The following LRRC8A variants were observed in gnomAD, a reference collection of about 807,000 sequenced individuals.
LRRC8A encodes leucine rich repeat containing 8 VRAC subunit A, also known as volume-regulated anion channel subunit LRRC8A.
Under a neutral mutation model 52.5 loss-of-function variants are expected in LRRC8A, and 24 were observed. The observed-to-expected ratio is 0.46, with a 90% CI of 0.33 to 0.64. The LOEUF (loss-of-function observed/expected upper bound fraction) is 0.64. Among genes scored for constraint, LRRC8A ranks in the 30% least tolerant of loss-of-function variants. LRRC8A has a pLI of 0.02. For synonymous variants in LRRC8A, 492 were observed against 494.2 expected (o/e 1.00, Z 0.06); for missense variants, 677 against 1,094.7 (o/e 0.62, Z 5.38).
chr9:128,896,344 AT>A (rs1460085219), intron 2 of LRRC8A, among the ~76,000 whole-genome samples: 1 of 152,148 alleles, frequency 6.6e-6, no homozygotes, highest in African/African-American at 2.4e-5. Context: ...GTCATTTCTG[AT>A]TTTTTGCTAT....
intron 2 of LRRC8A, among the ~76,000 whole-genome samples, chr9:128,897,945 A>G (rs1193759544): frequency 1.3e-5 from 2 of 148,224 alleles, no homozygotes; most frequent in Non-Finnish European, 3.0e-5. Context: ...TGGATGACAG[A>G]GTGAGACTCT....
intron 3 of LRRC8A, among the ~76,000 whole-genome samples, chr9:128,913,457 G>A (rs978228315): frequency 1.3e-5 from 2 of 152,188 alleles, no homozygotes; most frequent in African/African-American, 2.4e-5. Context: ...TCCAGGGCAC[G>A]GGCCGGCGAC....
intron 2 of LRRC8A, among the ~76,000 whole-genome samples, chr9:128,897,509 G>A (rs112376837): frequency 0.055 from 8,426 of 151,958 alleles, 276 homozygotes; most frequent in African/African-American, 0.096. Context: ...CACACGGCCT[G>A]TCTTAGCTAT....
chr9:128,914,282 T>C (rs1840705983), intron 3 of LRRC8A, among the ~76,000 whole-genome samples: 1 of 145,758 alleles, frequency 6.9e-6, no homozygotes, highest in Non-Finnish European at 1.5e-5. Flanking sequence ...GAAAGCCACG[T>C]TGCTCCCCAG....
intron 2 of LRRC8A, among the ~76,000 whole-genome samples, chr9:128,903,367 A>AGATT (rs1265972960): frequency 6.6e-6 from 1 of 150,980 alleles, no homozygotes; most frequent in Non-Finnish European, 1.5e-5. Flanking sequence ...TAGCCTAGAA[A>AGATT]GATTGGGGCT....
chr9:128,903,435 C>A (rs543755936), intron 2 of LRRC8A, among the ~76,000 whole-genome samples: 3 of 134,130 alleles, frequency 2.2e-5, no homozygotes, highest in African/African-American at 8.6e-5. Context: ...TTTTTTGAGT[C>A]GGCACCTCGC....
At chr9:128,903,897 G>A (rs955037249) in intron 2 of LRRC8A, among the ~76,000 whole-genome samples, 7 of 152,054 alleles carry the variant, frequency 4.6e-5, no homozygotes, top group African/African-American at 1.2e-4. Flanking sequence ...ATGTGGTGGC[G>A]GGCGTCTGTA....
rs1226784083 is a variant in LRRC8A at position 128,892,363 on chromosome 9, C to A, written c.-9+6242C>A. Among the ~76,000 whole-genome samples, 1 of 152,198 alleles carries A rather than the reference C, an allele frequency of 6.6e-6. No individual in the cohort carries two copies. The highest frequency in any genetic ancestry group is 1.5e-5 in the Non-Finnish European group (1 of 68,022). On this transcript the variant is annotated intron_variant, in intron 2 of 3. Coordinates refer to ENST00000372600, the MANE Select transcript of LRRC8A (RefSeq NM_019594.4). The surrounding 1 kb of genome is among the most constrained non-coding windows in gnomAD (Gnocchi z 5.2). ...GGGGGAAGCCCAGGTGGGTGTCCCT[C>A]ACCTGTTGCCTTTCACCCTAGAAGG...
chr9:128,882,955 T>C (rs1839161270), intron 1 of LRRC8A: 1 of 396,046 alleles, frequency 2.5e-6, no homozygotes, highest in Non-Finnish European at 4.4e-6. Flanking sequence ...TGAAGGGGCA[T>C]AGCTGGGGTC....
intron 3 of LRRC8A, among the ~76,000 whole-genome samples, chr9:128,913,890 TAGG>T: frequency 6.6e-6 from 1 of 152,262 alleles, no homozygotes; most frequent in Non-Finnish European, 1.5e-5. Flanking sequence ...ATACACAGGT[TAGG>T]AGCCTTTTTG....
chr9:128,901,447 T>C (rs1220726071), intron 2 of LRRC8A, among the ~76,000 whole-genome samples: 2 of 151,972 alleles, frequency 1.3e-5, no homozygotes, highest in South Asian at 2.1e-4. Context: ...CTGGCAATAG[T>C]GTGAGACTGC....
Position 128,908,647 on chromosome 9 carries a change from C to G in LRRC8A, c.1483C>G (p.Leu495Val), listed in dbSNP as rs1371324324. The G allele has an allele frequency of 1.2e-6, 2 of 1,612,792 alleles. No individual in the cohort carries two copies. The highest frequency in any genetic ancestry group is 1.1e-5 in the South Asian group (1 of 91,068). Residue 495 changes from leucine (L) to valine (V), a missense_variant, in exon 3 of 4, where the codon CTG (leucine) becomes GTG (valine). By Grantham distance (32) the Leu-to-Val change is conservative. This residue lies in a region of LRRC8A where 422 missense variants were observed against 741.5 expected (regional missense o/e 0.57). Coordinates refer to ENST00000372600, the MANE Select transcript of LRRC8A (RefSeq NM_019594.4). ...APALAFLREN[L>V]RALHIKFTDI... ...CGCGCTGGCCTTCCTGCGTGAGAAC[C>G]TGCGGGCGCTGCACATCAAGTTCAC...
intron 3 of LRRC8A, among the ~76,000 whole-genome samples, chr9:128,910,471 T>G (rs1225696573): frequency 6.6e-6 from 1 of 152,104 alleles, no homozygotes; most frequent in African/African-American, 2.4e-5. Context: ...GGTGGGGCGG[T>G]CACTTGAGCT....
At chr9:128,912,977 G>A (rs1366900871) in intron 3 of LRRC8A, among the ~76,000 whole-genome samples, 5 of 152,198 alleles carry the variant, frequency 3.3e-5, no homozygotes, top group Admixed American at 3.3e-4. Flanking sequence ...TGTGTCTCAT[G>A]TCAGGTGTCT....
At chr9:128,886,198 G>C (rs1170687145) in intron 2 of LRRC8A, 77 bp downstream of exon 2, 1 of 152,598 alleles carries the variant, frequency 6.6e-6, no homozygotes, top group Non-Finnish European at 1.5e-5. Flanking sequence ...GGAGCAAAGG[G>C]TAGCATCTCC....
At position 128,902,262 on chromosome 9, in the gene LRRC8A, C is replaced by G. The variant is rs1840057088; in HGVS notation, c.-8-4895C>G. Among the ~76,000 whole-genome samples the G allele has an allele frequency of 1.3e-5, 2 of 152,220 alleles. No individual in the cohort carries two copies. Among genetic ancestry groups the G allele is most frequent in the Admixed American group, 1.3e-4 (2 of 15,282 alleles). The stretch of plus-strand genomic sequence containing the variant: ...GAACAGAGTCCGGATGTTCCCAGAC[C>G]AAGCACGGAGTTGGGGCGGGTGGTC... On this transcript the variant is annotated intron_variant, in intron 2 of 3. Coordinates refer to ENST00000372600, the MANE Select transcript of LRRC8A (RefSeq NM_019594.4). The surrounding 1 kb of genome is among the most constrained non-coding windows in gnomAD (Gnocchi z 4.1).
rs58876901 is a variant in LRRC8A at position 128,898,039 on chromosome 9, AGTGTGTGTGTGTGTGTGT to A, written c.-8-9087_-8-9070del. Reference sequence around the variant, plus strand: ...TCTAACCTCACTTCTAAGATTGTTCAGTGTGTGTGTGTGTGTGTGTGTGTGTGTGTGTGTGTGTGTGTG... The same window carrying A: ...TCTAACCTCACTTCTAAGATTGTTCAGTGTGTGTGTGTGTGTGTGTGTGTG... On this transcript the variant is annotated intron_variant, in intron 2 of 3. Transcript: ENST00000372600. 8.1e-4 allele frequency among the ~76,000 whole-genome samples: 110 copies of A among 136,490 alleles called. 2 individuals are homozygous for A. Among genetic ancestry groups the A allele is most frequent in the Admixed American group, 1.5e-3 (20 of 13,438 alleles). 89.5% of individuals were successfully genotyped at this position (136,490 alleles called of 152,430 possible).
chr9:128,917,246 C>A lies in LRRC8A; in HGVS notation c.*875C>A, dbSNP rs888147847. The A allele has an allele frequency of 6.6e-6, 1 of 152,424 alleles. No homozygotes were observed. The highest frequency in any genetic ancestry group is 2.1e-4 in the South Asian group (1 of 4,818). 9.4% of individuals were successfully genotyped at this position (152,424 alleles called of 1,614,324 possible). A position where few individuals can be genotyped will look rare whatever the true frequency, so the allele number is the denominator to read the frequency against. On this transcript the variant is annotated 3_prime_UTR_variant, in exon 4 of 4. Coordinates refer to ENST00000372600, the MANE Select transcript of LRRC8A (RefSeq NM_019594.4). ...TGGGCGCAGGGTGCAGGGTGTCTTC[C>A]GGATCTGGTGTGACCTTGGTCCAGG...
Position 128,884,943 on chromosome 9 carries a change from A to G in LRRC8A, c.-115-1072A>G, listed in dbSNP as rs1272298383. 3 of 152,254 alleles carry G rather than the reference A, an allele frequency of 2.0e-5. No individual in the cohort carries two copies. In the East Asian group the frequency reaches 5.8e-4, roughly 29 times the overall value. 9.4% of individuals were successfully genotyped at this position (152,254 alleles called of 1,614,324 possible). The stretch of plus-strand genomic sequence containing the variant: ...GCACAGGGCCTGGAACTTAGTCAAT[A>G]TAGTAAATACCCAGTGGTAGAAATG... On this transcript the variant is annotated intron_variant, in intron 1 of 3. Coordinates refer to ENST00000372600, the MANE Select transcript of LRRC8A (RefSeq NM_019594.4).
Sources: allele counts gnomAD v4.1 joint callset (sites outside exome capture counted in the v4.1 genomes callset), GRCh38; gene constraint gnomAD v4.1.1; regional missense constraint gnomAD v4.1.1; non-coding constraint Gnocchi (gnomAD v3.1); transcripts MANE v1.5; gene names NCBI Gene and HGNC (gene_info 2026-07-23, HGNC 2026-07-21).